The following LOC128092252 variants were observed in gnomAD, a reference collection of about 807,000 sequenced individuals.
At chr15:50,665,393 T>TAA in the LOC128092252 span, among the ~76,000 whole-genome samples, 4 of 135,744 alleles carry the variant, frequency 2.9e-5, no homozygotes, top group Admixed American at 7.3e-5. Context: ...AAACTCTGTC[T>TAA]AAAAAAAAAA....
chr15:50,684,512 G>A, the LOC128092252 span, among the ~76,000 whole-genome samples: 642 of 151,874 alleles, frequency 4.2e-3, 5 homozygotes, highest in African/African-American at 0.015. Context: ...GTGGTGGCTC[G>A]CACCTGGAGT....
the LOC128092252 span, among the ~76,000 whole-genome samples, chr15:50,650,613 T>C: frequency 1.3e-5 from 2 of 151,946 alleles, no homozygotes; most frequent in Non-Finnish European, 2.9e-5. Context: ...GAGAATCGCT[T>C]GAACCTGGGA....
At chr15:50,675,394 TTTTG>T in the LOC128092252 span, among the ~76,000 whole-genome samples, 2 of 151,786 alleles carry the variant, frequency 1.3e-5, no homozygotes, top group East Asian at 1.9e-4. Context: ...CATTCACCAA[TTTTG>T]TTTATTTCAA....
chr15:50,674,595 G>A, the LOC128092252 span, among the ~76,000 whole-genome samples: 1 of 152,074 alleles, frequency 6.6e-6, no homozygotes, highest in Non-Finnish European at 1.5e-5. Flanking sequence ...TGGTATTAGA[G>A]TATTCTAAAT....
chr15:50,655,792 C>G, the LOC128092252 span, among the ~76,000 whole-genome samples: 1 of 152,050 alleles, frequency 6.6e-6, no homozygotes, highest in African/African-American at 2.4e-5. Context: ...GGTCAGGAGA[C>G]CAGCCCAGCC....
At chr15:50,672,432 T>C in the LOC128092252 span, among the ~76,000 whole-genome samples, 1 of 151,842 alleles carries the variant, frequency 6.6e-6, no homozygotes, top group Non-Finnish European at 1.5e-5. Flanking sequence ...AAGGCACTGT[T>C]ATCATAGAAA....
chr15:50,673,204 T>C, the LOC128092252 span, among the ~76,000 whole-genome samples: 2 of 152,292 alleles, frequency 1.3e-5, no homozygotes, highest in Admixed American at 1.3e-4. Flanking sequence ...CCAGAACAAC[T>C]TCCAGGTCCA....
chr15:50,653,981 G>C, the LOC128092252 span, among the ~76,000 whole-genome samples: 3 of 152,074 alleles, frequency 2.0e-5, no homozygotes, highest in African/African-American at 7.2e-5. Context: ...TACCTTAAGA[G>C]GAAGGTCCAC....
chr15:50,681,433 C>T, the LOC128092252 span, among the ~76,000 whole-genome samples: 3 of 152,110 alleles, frequency 2.0e-5, no homozygotes, highest in African/African-American at 7.2e-5. Context: ...GGAAGACTAT[C>T]ATTTCATATA....
chr15:50,681,649 ATAT>A, the LOC128092252 span, among the ~76,000 whole-genome samples: 1 of 152,220 alleles, frequency 6.6e-6, no homozygotes, highest in East Asian at 1.9e-4. Flanking sequence ...CAGGGTTGCT[ATAT>A]TATTGATGAC....
the LOC128092252 span, among the ~76,000 whole-genome samples, chr15:50,674,650 C>CT: frequency 7.3e-4 from 111 of 152,178 alleles, no homozygotes; most frequent in African/African-American, 2.6e-3. Context: ...TTTTCATATT[C>CT]TTTTTGTTAC....
At chr15:50,678,506 T>TAAAAAAAA in the LOC128092252 span, among the ~76,000 whole-genome samples, 1 of 128,742 alleles carries the variant, frequency 7.8e-6, no homozygotes, top group African/African-American at 3.0e-5. Context: ...TTCCATTCTT[T>TAAAAAAAA]AAAAAAAAAA....
the LOC128092252 span, among the ~76,000 whole-genome samples, chr15:50,685,283 G>A: frequency 6.6e-6 from 1 of 152,178 alleles, no homozygotes; most frequent in Non-Finnish European, 1.5e-5. Flanking sequence ...GCCAAACATG[G>A]TGAAACCCCG....
chr15:50,672,358 TCCTA>T, the LOC128092252 span, among the ~76,000 whole-genome samples: 11 of 151,384 alleles, frequency 7.3e-5, no homozygotes, highest in African/African-American at 2.2e-4. Context: ...GCCCGGCCAC[TCCTA>T]CCTATTTTTT....
the LOC128092252 span, among the ~76,000 whole-genome samples, chr15:50,672,094 G>A: frequency 9.9e-5 from 15 of 152,018 alleles, no homozygotes; most frequent in African/African-American, 1.4e-4. Flanking sequence ...TCTCACTGTC[G>A]CCCAGGCTGG....
the LOC128092252 span, among the ~76,000 whole-genome samples, chr15:50,677,026 C>T: frequency 9.9e-5 from 15 of 152,198 alleles, no homozygotes; most frequent in Non-Finnish European, 1.8e-4. Context: ...TAATCAACAA[C>T]TGTCTTAGTC....
chr15:50,678,201 T>C, the LOC128092252 span, among the ~76,000 whole-genome samples: 158 of 145,782 alleles, frequency 1.1e-3, no homozygotes, highest in East Asian at 4.4e-3. Context: ...AGATGCACCA[T>C]TGCACTCCAG....
At chr15:50,650,088 G>A in the LOC128092252 span, among the ~76,000 whole-genome samples, 16 of 150,332 alleles carry the variant, frequency 1.1e-4, no homozygotes, top group Admixed American at 1.1e-3. Context: ...AGCTACTCAG[G>A]AGGCTGAGGC....
the LOC128092252 span, among the ~76,000 whole-genome samples, chr15:50,669,641 T>C: frequency 1.3e-5 from 2 of 151,880 alleles, no homozygotes. Context: ...GACACTGGAG[T>C]GAGAAAAAAT....
Sources: gnomAD v4.1 joint callset for allele counts (sites outside exome capture counted in the v4.1 genomes callset) on GRCh38, gnomAD v4.1.1 for gene constraint, MANE v1.5 for transcripts.